Variants in TAFA1 observed in about 807,000 individuals in gnomAD.
TAFA1 encodes TAFA chemokine like family member 1.
TAFA1 carries 4 observed loss-of-function variants against 18.5 expected under a neutral mutation model. The observed-to-expected ratio is 0.22, with a 90% confidence interval of 0.11 to 0.49. The LOEUF is 0.49. Among genes scored for constraint, TAFA1 ranks in the 20% least tolerant of loss-of-function variants. TAFA1 has a pLI of 0.98. For synonymous variants in TAFA1, 56 were observed against 55.2 expected (o/e 1.01, Z -0.06); for missense variants, 147 against 169.0 (o/e 0.87, Z 0.72).
intron 3 of TAFA1, among the ~76,000 whole-genome samples, chr3:68,482,590 C>T (rs1426752453): frequency 1.3e-5 from 2 of 152,160 alleles, no homozygotes; most frequent in Non-Finnish European, 2.9e-5. Flanking sequence ...AGTTTTGCCA[C>T]ACAGCTTTCA....
intron 3 of TAFA1, among the ~76,000 whole-genome samples, chr3:68,469,426 G>A (rs186577613): frequency 7.2e-5 from 11 of 152,246 alleles, no homozygotes; most frequent in African/African-American, 2.6e-4. Context: ...TGTAATTCCA[G>A]CACTTTGGGA....
chr3:68,308,240 T>C (rs1455296290), intron 2 of TAFA1, among the ~76,000 whole-genome samples: 2 of 152,190 alleles, frequency 1.3e-5, no homozygotes, highest in Non-Finnish European at 2.9e-5. Flanking sequence ...AAAATTTCAC[T>C]TTATCTGTTG....
intron 2 of TAFA1, among the ~76,000 whole-genome samples, chr3:68,111,122 A>C (rs2065257000): frequency 6.6e-6 from 1 of 152,216 alleles, no homozygotes; most frequent in African/African-American, 2.4e-5. Flanking sequence ...TACAGATCAA[A>C]TTGTTTTTTA....
chr3:68,318,550 C>T (rs2068643270), intron 2 of TAFA1, among the ~76,000 whole-genome samples: 1 of 152,172 alleles, frequency 6.6e-6, no homozygotes, highest in Admixed American at 6.5e-5. Context: ...TTCCTACAGT[C>T]TTGACCAGAA....
intron 2 of TAFA1, among the ~76,000 whole-genome samples, chr3:68,211,973 A>C (rs2066602992): frequency 6.6e-6 from 1 of 152,052 alleles, no homozygotes; most frequent in African/African-American, 2.4e-5. Context: ...AGGGTCAAAT[A>C]TCCAAACTAT....
intron 2 of TAFA1, among the ~76,000 whole-genome samples, chr3:68,409,888 A>G (rs1193382176): frequency 1.3e-5 from 2 of 152,200 alleles, no homozygotes; most frequent in African/African-American, 4.8e-5. Flanking sequence ...TCTGCCTGCC[A>G]GTCATTCCTA....
At chr3:68,334,271 C>G (rs553978133) in intron 2 of TAFA1, among the ~76,000 whole-genome samples, 1 of 152,186 alleles carries the variant, frequency 6.6e-6, no homozygotes, top group African/African-American at 2.4e-5. Flanking sequence ...ACATGTTTTC[C>G]TTTCTTCATT....
chr3:68,273,630 C>T (rs1410128560), intron 2 of TAFA1, among the ~76,000 whole-genome samples: 1 of 151,868 alleles, frequency 6.6e-6, no homozygotes. Context: ...CTCCCTAAGA[C>T]TAATAGAAAT....
intron 2 of TAFA1, among the ~76,000 whole-genome samples, chr3:68,219,685 T>C (rs548669651): frequency 6.6e-6 from 1 of 152,272 alleles, no homozygotes; most frequent in African/African-American, 2.4e-5. Flanking sequence ...TTGACATTTA[T>C]CCAGGATAAT....
rs572690826 is a variant in TAFA1 at position 68,336,588 on chromosome 3, A to C, written c.119-80692A>C. ...TTCCCCAAAGTATAATCTTCAAACT[A>C]TCTGCTTGAAAGGTATGAGGATGAA... On this transcript the variant is annotated intron_variant, in intron 2 of 4. Coordinates refer to ENST00000478136, the MANE Select transcript of TAFA1 (RefSeq NM_213609.4). Among the ~76,000 whole-genome samples the C allele has an allele frequency of 5.9e-5, 9 of 152,342 alleles. No individual in the cohort carries two copies. The South Asian group carries it at 1.0e-3, about 18-fold the overall frequency.
chr3:68,529,436 T>TA (rs533214097), intron 3 of TAFA1, among the ~76,000 whole-genome samples: 4,612 of 76,972 alleles, frequency 0.06, 394 homozygotes, highest in Non-Finnish European at 0.089. Context: ...CACCATTCTC[T>TA]AAAAAAAAAA....
chr3:68,411,353 T>C (rs183232645), intron 2 of TAFA1, among the ~76,000 whole-genome samples: 2 of 152,320 alleles, frequency 1.3e-5, no homozygotes, highest in Admixed American at 6.5e-5. Flanking sequence ...TACACCCTTC[T>C]TGGTTAGGTT....
chr3:68,117,254 G>A (rs887587112), intron 2 of TAFA1, among the ~76,000 whole-genome samples: 2 of 152,126 alleles, frequency 1.3e-5, no homozygotes, highest in African/African-American at 2.4e-5. Flanking sequence ...AGTACAATGA[G>A]ATATGGGAAG....
upstream of TAFA1, among the ~76,000 whole-genome samples, chr3:67,999,797 C>CT (rs5849795): frequency 0.02 from 2,807 of 143,116 alleles, 78 homozygotes; most frequent in African/African-American, 0.059. Context: ...TCTTTCCTTT[C>CT]TTTTTTTTTT....
chr3:68,523,777 C>A (rs1286295802), intron 3 of TAFA1, among the ~76,000 whole-genome samples: 1 of 152,230 alleles, frequency 6.6e-6, no homozygotes, highest in African/African-American at 2.4e-5. Flanking sequence ...TGTACTCTTG[C>A]TTCCCAGTAA....
intron 2 of TAFA1, among the ~76,000 whole-genome samples, chr3:68,369,358 C>T (rs903341389): frequency 6.6e-6 from 1 of 152,176 alleles, no homozygotes; most frequent in African/African-American, 2.4e-5. Flanking sequence ...GATGCATTGG[C>T]TGGCATTATA....
intron 2 of TAFA1, among the ~76,000 whole-genome samples, chr3:68,287,483 T>C (rs376309880): frequency 8.6e-5 from 13 of 151,890 alleles, no homozygotes; most frequent in African/African-American, 3.2e-4. Context: ...ATGAGATTTT[T>C]TTCTTTGCCT....
At chr3:68,395,565 A>G (rs1294602690) in intron 2 of TAFA1, among the ~76,000 whole-genome samples, 2 of 152,242 alleles carry the variant, frequency 1.3e-5, no homozygotes, top group Non-Finnish European at 2.9e-5. Flanking sequence ...CCAAATGTCC[A>G]TCAATGATAG....
chr3:68,280,801 T>A (rs1482246356), intron 2 of TAFA1, among the ~76,000 whole-genome samples: 1 of 152,120 alleles, frequency 6.6e-6, no homozygotes, highest in East Asian at 1.9e-4. Flanking sequence ...CACATGACAA[T>A]AATAAAACTG....
Sources: allele counts gnomAD v4.1 joint callset (sites outside exome capture counted in the v4.1 genomes callset), GRCh38; gene constraint gnomAD v4.1.1; transcripts MANE v1.5; gene names NCBI Gene and HGNC (gene_info 2026-07-23, HGNC 2026-07-21).